The following LYRM7 variants were observed in gnomAD, a reference collection of about 807,000 sequenced individuals.
LYRM7 encodes the protein complex III assembly factor LYRM7.
In LYRM7, 9 loss-of-function variants were observed where a neutral mutation model predicts 15.8. The observed-to-expected ratio is 0.57, with a 90% CI of 0.34 to 0.99. The LOEUF (loss-of-function observed/expected upper bound fraction) is 0.99, where lower values mean the gene tolerates loss of function less well. Among genes scored for constraint, LYRM7 ranks in the 50% least tolerant of loss-of-function variants. LYRM7 has a pLI of 0.02. For synonymous variants in LYRM7, 39 were observed against 39.4 expected (o/e 0.99, Z 0.04); for missense variants, 115 against 119.1 (o/e 0.97, Z 0.16).
intron 4 of LYRM7, among the ~76,000 whole-genome samples, 169 bp downstream of exon 4, chr5:131,187,278 CTT>C (rs1056623391): frequency 3.9e-5 from 6 of 152,018 alleles, no homozygotes; most frequent in Non-Finnish European, 8.8e-5. Context: ...AATTATGAAA[CTT>C]TGTTTTGCCA....
At position 131,182,284 on chromosome 5, in the gene LYRM7, TA is replaced by T; in HGVS notation, c.149del (p.Lys50ArgfsTer3). 7.0e-7 allele frequency: 1 copy of T among 1,419,026 alleles called. No homozygotes were observed. Among genetic ancestry groups the T allele is most frequent in the Non-Finnish European group, 9.5e-7 (1 of 1,047,518 alleles). 87.9% of individuals were successfully genotyped at this position (1,419,026 alleles called of 1,614,324 possible). A position where few individuals can be genotyped will look rare whatever the true frequency, so the allele number is the denominator to read the frequency against. ...FKNNKSETSS[K>X]KIEELMKIGS... ...AAAATAATAAAAGTGAAACTTCTTCTAAGAAAATAGAAGAGGTACAGTAATT... is the reference window on the plus strand; with the variant it reads ...AAAATAATAAAAGTGAAACTTCTTCTAGAAAATAGAAGAGGTACAGTAATT... On this transcript the variant is annotated frameshift_variant, in exon 3 of 5. Coordinates refer to ENST00000379380, the MANE Select transcript of LYRM7 (RefSeq NM_181705.4). LOFTEE classifies it high-confidence loss of function.
At chr5:131,180,202 A>G (rs372544039) in intron 2 of LYRM7, 35 bp downstream of exon 2, 2 of 1,456,406 alleles carry the variant, frequency 1.4e-6, no homozygotes, top group African/African-American at 1.4e-5. Context: ...GAGCCAGTCT[A>G]CTTTTTAGAT....
At chr5:131,192,059 A>ACACACACAC (rs1211788369) in intron 4 of LYRM7, among the ~76,000 whole-genome samples, 1 of 150,948 alleles carries the variant, frequency 6.6e-6, no homozygotes, top group Admixed American at 6.6e-5. Context: ...ACACACACAC[A>ACACACACAC]CACACACACA....
Position 131,201,388 on chromosome 5 carries a change from G to T in LYRM7, c.*1787G>T, listed in dbSNP as rs1756063035. 6.6e-6 allele frequency: 1 copy of T among 151,260 alleles called. No individual in the cohort carries two copies. Among genetic ancestry groups the T allele is most frequent in the South Asian group, 2.1e-4 (1 of 4,772 alleles). The allele number at this position is 151,260 out of a possible 1,614,324, so 9.4% of individuals were successfully genotyped here. A position where few individuals can be genotyped will look rare whatever the true frequency, so the allele number is the denominator to read the frequency against. On this transcript the variant is annotated 3_prime_UTR_variant, in exon 5 of 5. Coordinates refer to ENST00000379380, the MANE Select transcript of LYRM7 (RefSeq NM_181705.4). Reference sequence around the variant, plus strand: ...GATACAGATAGGTAGATATGATATTGTACTTTCATGCCATAAGACTACACA... The same window carrying T: ...GATACAGATAGGTAGATATGATATTTTACTTTCATGCCATAAGACTACACA...
At chr5:131,192,891 G>A (rs1021341091) in intron 4 of LYRM7, among the ~76,000 whole-genome samples, 1 of 152,076 alleles carries the variant, frequency 6.6e-6, no homozygotes, top group Admixed American at 6.5e-5. Context: ...TCTTTCTAAT[G>A]TGGATATTAG....
In LYRM7 at chr5:131,181,302, A is replaced by AAAAATATATATATATATATAT. The variant is rs1554089865; in HGVS notation, c.92-926_92-925insAAATATATATATATATATATA. On this transcript the variant is annotated intron_variant, in intron 2 of 4. Transcript: ENST00000379380. ...AAAAAAAAAAAAAAAAAAAAAAAAA[A>AAAAATATATATATATATATAT]ATATATATATATATACACACACACA... 6.8e-4 allele frequency among the ~76,000 whole-genome samples: 6 copies of AAAAATATATATATATATATAT among 8,768 alleles called. 1 individual carries two copies. Among genetic ancestry groups the AAAAATATATATATATATATAT allele is most frequent in the Non-Finnish European group, 1.3e-3 (4 of 2,990 alleles). 5.8% of individuals were successfully genotyped at this position (8,768 alleles called of 152,430 possible). A position where few individuals can be genotyped will look rare whatever the true frequency, so the allele number is the denominator to read the frequency against.
At chr5:131,188,235 C>T (rs1047846694) in intron 4 of LYRM7, among the ~76,000 whole-genome samples, 1 of 151,802 alleles carries the variant, frequency 6.6e-6, no homozygotes, top group Non-Finnish European at 1.5e-5. Context: ...CCAGCCTGGG[C>T]GACAGAGTAA....
At position 131,205,422 on chromosome 5, in the gene LYRM7, G is replaced by A. The variant is rs1274350623; in HGVS notation, c.*5821G>A. 1 of 152,158 alleles carries A rather than the reference G, an allele frequency of 6.6e-6. No homozygotes were observed. The highest frequency in any genetic ancestry group is 1.5e-5 in the Non-Finnish European group (1 of 68,022). The allele number at this position is 152,158 out of a possible 1,614,324, so 9.4% of individuals were successfully genotyped here. Reference sequence around the variant, plus strand: ...AGAATAAACAAGTTTGTTCATTCATGTCTCCATTGATGAGTGATAGTATTG... The same window carrying A: ...AGAATAAACAAGTTTGTTCATTCATATCTCCATTGATGAGTGATAGTATTG... On this transcript the variant is annotated 3_prime_UTR_variant, in exon 5 of 5. Transcript: ENST00000379380.
chr5:131,185,285 A>T (rs1755780294), intron 3 of LYRM7, among the ~76,000 whole-genome samples: 1 of 152,186 alleles, frequency 6.6e-6, no homozygotes, highest in Non-Finnish European at 1.5e-5. Flanking sequence ...GACCTTTGTT[A>T]CCTTGCCACC....
intron 4 of LYRM7, among the ~76,000 whole-genome samples, chr5:131,195,916 GAGGC>G (rs1755955430): frequency 6.6e-6 from 1 of 152,074 alleles, no homozygotes; most frequent in Non-Finnish European, 1.5e-5. Context: ...TTAGAACAAT[GAGGC>G]TCAGCAGGAC....
intron 4 of LYRM7, among the ~76,000 whole-genome samples, chr5:131,188,337 G>A (rs1755830691): frequency 1.3e-5 from 2 of 148,710 alleles, no homozygotes; most frequent in Admixed American, 6.8e-5. Flanking sequence ...TACTCAATTT[G>A]TAATTGTATA....
chr5:131,179,701 C>G (rs1755660273), intron 1 of LYRM7, among the ~76,000 whole-genome samples: 1 of 151,918 alleles, frequency 6.6e-6, no homozygotes, highest in Non-Finnish European at 1.5e-5. Context: ...TTTGGGAGGC[C>G]AAGGCGGGTG....
chr5:131,186,554 A>G (rs1755797462), intron 3 of LYRM7, among the ~76,000 whole-genome samples: 1 of 152,198 alleles, frequency 6.6e-6, no homozygotes, highest in Non-Finnish European at 1.5e-5. Context: ...TGTTTTTATT[A>G]TATATACTTT....
In LYRM7 at chr5:131,198,368, T is replaced by C. The variant is rs1006433426; in HGVS notation, c.245-1163T>C. ...ATTGGGGATCACACATTGCATGTAG[T>C]CATCATGTCTCTTTAGGTATCCTTA... On this transcript the variant is annotated intron_variant, in intron 4 of 4. Transcript: ENST00000379380. 5.3e-5 allele frequency among the ~76,000 whole-genome samples: 8 copies of C among 152,316 alleles called. 1 individual carries two copies. The highest frequency in any genetic ancestry group is 5.2e-4 in the Admixed American group (8 of 15,296).
intron 4 of LYRM7, among the ~76,000 whole-genome samples, chr5:131,197,892 A>G (rs949973882): frequency 2.9e-4 from 38 of 133,310 alleles, no homozygotes; most frequent in African/African-American, 9.9e-4. Flanking sequence ...GTGTAAATAT[A>G]TATATTTTTA....
intron 4 of LYRM7, among the ~76,000 whole-genome samples, chr5:131,196,062 G>A (rs1234501130): frequency 6.6e-6 from 1 of 151,956 alleles, no homozygotes; most frequent in African/African-American, 2.4e-5. Flanking sequence ...ATAGCCAAAG[G>A]GGTTGTGCTT....
intron 1 of LYRM7, among the ~76,000 whole-genome samples, chr5:131,175,607 T>C (rs1201765086): frequency 6.6e-6 from 1 of 151,950 alleles, no homozygotes; most frequent in Non-Finnish European, 1.5e-5. Context: ...TCATCTTGGC[T>C]CGCCGCAACC....
intron 3 of LYRM7, among the ~76,000 whole-genome samples, chr5:131,185,099 C>T (rs1352488951): frequency 1.9e-4 from 29 of 152,166 alleles, no homozygotes; most frequent in Non-Finnish European, 1.5e-5. Flanking sequence ...TAATGGGCCT[C>T]CTGCTTCTAG....
At chr5:131,177,664 C>T (rs1383427069) in intron 1 of LYRM7, among the ~76,000 whole-genome samples, 1 of 152,188 alleles carries the variant, frequency 6.6e-6, no homozygotes, top group African/African-American at 2.4e-5. Flanking sequence ...TTGCACTGAA[C>T]TTAACATCAT....
Sources: gnomAD v4.1 joint callset for allele counts (sites outside exome capture counted in the v4.1 genomes callset) on GRCh38, gnomAD v4.1.1 for gene constraint, MANE v1.5 for transcripts, NCBI Gene and HGNC (gene_info 2026-07-23, HGNC 2026-07-21) for gene names.